The following CORO7 variants were observed in gnomAD, a reference collection of about 807,000 sequenced individuals.
The protein encoded by CORO7 is coronin-7.
CORO7 carries 107 observed loss-of-function variants against 126.6 expected under a neutral mutation model. That is an observed-to-expected ratio of 0.85 (90% CI 0.72 to 0.99). The LOEUF is 0.99. CORO7 is among the 50% of genes least tolerant of loss of function. The pLI, the probability that CORO7 is intolerant of heterozygous loss-of-function variation, is 0.00. For synonymous variants in CORO7, 603 were observed against 536.8 expected, an observed-to-expected ratio of 1.12 and a Z score of -1.70; for missense variants, 1,314 against 1,255.8, an observed-to-expected ratio of 1.05 and a Z score of -0.70.
rs753947751 is a variant in CORO7 at position 4,395,286 on chromosome 16, C to T, written c.615+3G>A. ...CCCACCCCAGCTTGCCCACACAACTCACCTGAGAGGCCCGCGGCTTTGTTC... is the reference window on the plus strand; with the variant it reads ...CCCACCCCAGCTTGCCCACACAACTTACCTGAGAGGCCCGCGGCTTTGTTC... On this transcript the variant is annotated splice_donor_region_variant and intron_variant, in intron 7 of 27. Coordinates refer to ENST00000251166, the MANE Select transcript of CORO7 (RefSeq NM_024535.5). 1 of 1,614,078 alleles carries T rather than the reference C, an allele frequency of 6.2e-7. No homozygotes were observed.
chr16:4,356,873 T>C (rs1313795492), intron 26 of CORO7: 6 of 455,434 alleles, frequency 1.3e-5, no homozygotes, highest in Non-Finnish European at 2.4e-5. Flanking sequence ...TCTCTGCACA[T>C]GGCCTCAAGT....
In CORO7 at chr16:4,364,361, G is replaced by A; in HGVS notation, c.1190C>T (p.Ser397Phe). Residue 397 changes from serine (S) to phenylalanine (F), a missense_variant, in exon 14 of 28, where the codon TCC becomes TTC. Transcript: ENST00000251166. ...GGGCTCCGCAGGGGGCACCAGACAG[G>A]AAGTGAAGCTCGGGTGGGGCCGGCA... ...PACRPHPSFT[S>F]CLVPPAEPLP... 1 of 1,522,728 alleles carries A rather than the reference G, an allele frequency of 6.6e-7. No homozygotes were observed. The highest frequency in any genetic ancestry group is 8.8e-7 in the Non-Finnish European group (1 of 1,138,024). The allele number at this position is 1,522,728 out of a possible 1,614,324, so 94.3% of individuals were successfully genotyped here.
Position 4,358,061 on chromosome 16 carries a change from T to C in CORO7, c.2500A>G (p.Ile834Val), listed in dbSNP as rs900514322. 4 of 1,612,896 alleles carry C rather than the reference T, an allele frequency of 2.5e-6. No homozygotes were observed. In the African/African-American group the frequency reaches 4.0e-5, roughly 16 times the overall value. The change falls in exon 25 of 28, where the codon ATC (isoleucine) becomes GTC (valine). Residue 834 changes from isoleucine (I) to valine (V), a missense_variant. Physicochemically the swap from Ile to Val is conservative, Grantham distance 29. Transcript: ENST00000251166. ...QDDVFPDTAV[I>V]WEPVLSAEAW... ...TCGGCACTGAGCACAGGCTCCCAGA[T>C]CACAGCCGTGTCTGGGAACACGTCA...
In CORO7 at chr16:4,358,033, G is replaced by T. The variant is rs370883825; in HGVS notation, c.2528C>A (p.Ala843Asp). ...CTGCCCATTAGCGCCTTGCAGCCAGGCCTCGGCACTGAGCACAGGCTCCCA... is the reference window on the plus strand; with the variant it reads ...CTGCCCATTAGCGCCTTGCAGCCAGTCCTCGGCACTGAGCACAGGCTCCCA... The part of the protein sequence containing the change: ...VIWEPVLSAE[A>D]WLQGANGQPW... Residue 843 changes from alanine to aspartate, a missense_variant, in exon 25 of 28, where the codon GCC (alanine) becomes GAC (aspartate). Ala to Asp is a moderately radical substitution (Grantham distance 126). Transcript: ENST00000251166. 6.2e-7 allele frequency: 1 copy of T among 1,613,268 alleles called. No individual in the cohort carries two copies. The highest frequency in any genetic ancestry group is 1.3e-5 in the African/African-American group (1 of 74,938).
At chr16:4,384,060 C>T (rs2055102253) in intron 9 of CORO7, among the ~76,000 whole-genome samples, 1 of 152,232 alleles carries the variant, frequency 6.6e-6, no homozygotes, top group Non-Finnish European at 1.5e-5. Context: ...CTCCCTGCCT[C>T]CTGCCCCTGG....
At chr16:4,414,121 G>A (rs2056317826) in intron 1 of CORO7, among the ~76,000 whole-genome samples, 1 of 151,552 alleles carries the variant, frequency 6.6e-6, no homozygotes. Context: ...AACCTGGGAG[G>A]CGGAAGTTGC....
intron 1 of CORO7, chr16:4,414,387 A>G (rs2056331526): frequency 6.6e-6 from 1 of 152,146 alleles, no homozygotes; most frequent in Admixed American, 6.6e-5. Context: ...TGAAACTAAG[A>G]TCTGCAAGGT....
chr16:4,357,289 A>T (rs1375794406), intron 25 of CORO7, 30 bp from the exon 26 acceptor site: 1 of 1,581,576 alleles, frequency 6.3e-7, no homozygotes, highest in Admixed American at 1.8e-5. Flanking sequence ...CGTGTCAGAG[A>T]GTCCCCTTCG....
intron 9 of CORO7, chr16:4,382,798 G>T (rs866863767): frequency 6.3e-7 from 1 of 1,589,340 alleles, no homozygotes; most frequent in Non-Finnish European, 8.6e-7. Context: ...AACAGAGGGC[G>T]GTGGAGAGGC....
intron 9 of CORO7, among the ~76,000 whole-genome samples, chr16:4,374,448 C>T (rs1039750612): frequency 1.3e-5 from 2 of 152,100 alleles, no homozygotes; most frequent in Non-Finnish European, 2.9e-5. Flanking sequence ...TTCGGGACGG[C>T]CCCCACCAGA....
rs1315392566 is a variant in CORO7, at chr16:4,395,429, C to T, written c.565-90G>A. 3.2e-6 allele frequency: 5 copies of T among 1,562,358 alleles called. No individual in the cohort carries two copies. The African/African-American group carries it at 6.7e-5, about 21-fold the overall frequency. On this transcript the variant is annotated intron_variant, in intron 6 of 27. Transcript: ENST00000251166. ...GCTCCCCTCACCTCCCAACCCCCAGCTCTGAGCAGCCCATCCCCAGCACGC... is the reference window on the plus strand; with the variant it reads ...GCTCCCCTCACCTCCCAACCCCCAGTTCTGAGCAGCCCATCCCCAGCACGC...
intron 6 of CORO7, among the ~76,000 whole-genome samples, chr16:4,401,885 C>T (rs1042548992): frequency 1.3e-5 from 2 of 151,824 alleles, no homozygotes; most frequent in African/African-American, 4.8e-5. Context: ...GGCAAGCCCC[C>T]GAGCCCCCTA....
intron 14 of CORO7, among the ~76,000 whole-genome samples, chr16:4,363,585 G>A (rs2054253772): frequency 1.3e-5 from 2 of 152,074 alleles, no homozygotes; most frequent in African/African-American, 2.4e-5. Flanking sequence ...GGTGGCGCAC[G>A]CCTGTAATCC....
chr16:4,404,698 C>T (rs1024050575), intron 6 of CORO7, among the ~76,000 whole-genome samples: 7 of 152,074 alleles, frequency 4.6e-5, no homozygotes, highest in African/African-American at 7.2e-5. Context: ...GCCTCAGGAC[C>T]GCCACGCCTC....
Position 4,362,282 on chromosome 16 carries a change from C to T in CORO7, c.1403-122G>A, listed in dbSNP as rs2054206172. 2 of 1,373,386 alleles carry T rather than the reference C, an allele frequency of 1.5e-6. No homozygotes were observed. Among genetic ancestry groups the T allele is most frequent in the African/African-American group, 2.9e-5 (2 of 68,338 alleles). 85.1% of individuals were successfully genotyped at this position (1,373,386 alleles called of 1,614,324 possible). A position where few individuals can be genotyped will look rare whatever the true frequency, so the allele number is the denominator to read the frequency against. ...GTGGATGTACAGCATGGACCTAGGC[C>T]CAGGCCTTTGCTAATCCAGTGGATG... On this transcript the variant is annotated intron_variant, in intron 15 of 27. Coordinates refer to ENST00000251166, the MANE Select transcript of CORO7 (RefSeq NM_024535.5). This position sits in a 1 kb window ranked among gnomAD's most constrained non-coding sequence, Gnocchi z 5.3.
At chr16:4,406,435 C>T (rs2056000531) in intron 5 of CORO7, among the ~76,000 whole-genome samples, 1 of 152,082 alleles carries the variant, frequency 6.6e-6, no homozygotes, top group Admixed American at 6.6e-5. Context: ...ACCTGGGACA[C>T]AGACAGGCAC....
intron 9 of CORO7, chr16:4,380,921 T>G (rs2141243748): frequency 1.3e-6 from 2 of 1,574,178 alleles, no homozygotes; most frequent in East Asian, 4.5e-5. Context: ...CTCCTGCTAC[T>G]GGCCCTGGGG....
chr16:4,386,004 C>T (rs773900557), intron 9 of CORO7, among the ~76,000 whole-genome samples: 20 of 152,326 alleles, frequency 1.3e-4, no homozygotes, highest in Middle Eastern at 3.4e-3. Context: ...TCAGAGGCCC[C>T]GGCACCCCAG....
chr16:4,401,815 G>A (rs973234530), intron 6 of CORO7, among the ~76,000 whole-genome samples: 4 of 152,136 alleles, frequency 2.6e-5, no homozygotes, highest in Non-Finnish European at 5.9e-5. Context: ...CCCCACAGAG[G>A]TGCAGAGACC....
Sources: allele counts gnomAD v4.1 joint callset (sites outside exome capture counted in the v4.1 genomes callset), GRCh38; gene constraint gnomAD v4.1.1; non-coding constraint Gnocchi (gnomAD v3.1); transcripts MANE v1.5; gene names NCBI Gene and HGNC (gene_info 2026-07-23, HGNC 2026-07-21).